Variants in BTBD2 observed in about 807,000 individuals in gnomAD.
BTBD2 encodes BTB/POZ domain-containing protein 2.
BTBD2 carries 15 observed loss-of-function variants against 44.0 expected under a neutral mutation model. The observed-to-expected ratio is 0.34, with a 90% CI of 0.23 to 0.53. The LOEUF (loss-of-function observed/expected upper bound fraction) is 0.53, where lower values mean the gene tolerates loss of function less well. Among genes scored for constraint, BTBD2 ranks in the 20% least tolerant of loss-of-function variants. BTBD2 has a pLI of 0.95. For synonymous variants in BTBD2, 443 were observed against 335.9 expected (o/e 1.32, Z -3.49); for missense variants, 657 against 746.4 (o/e 0.88, Z 1.39).
chr19:1,986,593 G>C lies in BTBD2; in HGVS notation c.1473C>G (p.Pro491=). 1 of 1,613,988 alleles carries C rather than the reference G, an allele frequency of 6.2e-7. No homozygotes were observed. The highest frequency in any genetic ancestry group is 8.5e-7 in the Non-Finnish European group (1 of 1,179,920). The change falls in exon 9 of 9, where the codon CCC becomes CCG. Residue 491 remains proline (P), a synonymous_variant. Coordinates refer to ENST00000255608, the MANE Select transcript of BTBD2 (RefSeq NM_017797.4). ...TGAAGCAGGTCTTGGCGCCCGTGGT[G>C]GGCGACTCGTGTGTCACCTTGCGCA... is the stretch of plus-strand genomic sequence containing the variant. ...KGLRKVTHES[P]TTGAKTCFTF...
Position 1,986,981 on chromosome 19 carries a change from G to C in BTBD2, c.1270-5C>G. ...GTTGCTATCGGTGTGAATAATCTGC[G>C]GGGAGGTGGGAAGTGGGAGGCTCAG... is the stretch of plus-strand genomic sequence containing the variant. On this transcript the variant is annotated splice_region_variant and splice_polypyrimidine_tract_variant and intron_variant, in intron 7 of 8. Transcript: ENST00000255608. The C allele has an allele frequency of 6.2e-7, 1 of 1,610,334 alleles. No homozygotes were observed.
intron 3 of BTBD2, chr19:1,991,189 C>T (rs557613077): frequency 4.4e-5 from 9 of 203,512 alleles, no homozygotes; most frequent in East Asian, 1.5e-4. Flanking sequence ...GTGAGGTGGC[C>T]GGGGCCGACC....
intron 2 of BTBD2, among the ~76,000 whole-genome samples, chr19:1,995,279 CTTTT>C (rs71174402): frequency 3.3e-5 from 4 of 122,680 alleles, no homozygotes; most frequent in African/African-American, 5.9e-5. Context: ...ACTTTGGATT[CTTTT>C]TTTTTTTTTT....
rs34228593 is a variant in BTBD2, at chr19:2,008,589, CTT to C, written c.407+6706_407+6707del. Among the ~76,000 whole-genome samples, 36 of 126,528 alleles carry C rather than the reference CTT, an allele frequency of 2.8e-4. 2 individuals carry two copies. Among genetic ancestry groups the C allele is most frequent in the Admixed American group, 2.5e-4 (3 of 12,120 alleles). The allele number at this position is 126,528 out of a possible 152,430, so 83.0% of individuals were successfully genotyped here. ...TACAGGCGTGAGCCACTGTGCCCAGCTTTTTTTTTTTTTTTTTTTAGGGACAG... is the reference window on the plus strand; with the variant it reads ...TACAGGCGTGAGCCACTGTGCCCAGCTTTTTTTTTTTTTTTTTAGGGACAG... On this transcript the variant is annotated intron_variant, in intron 1 of 8. Transcript: ENST00000255608.
intron 1 of BTBD2, 100 bp downstream of exon 1, chr19:2,015,197 C>CG: frequency 8.4e-7 from 1 of 1,186,698 alleles, no homozygotes; most frequent in South Asian, 1.8e-5. Flanking sequence ...TGGAGGGGTG[C>CG]GGGGGTCTCG....
At position 1,990,762 on chromosome 19, in the gene BTBD2, T is replaced by C. The variant is rs2016165190; in HGVS notation, c.745A>G (p.Thr249Ala). 6.2e-7 allele frequency: 1 copy of C among 1,602,986 alleles called. No homozygotes were observed. Among genetic ancestry groups the C allele is most frequent in the Non-Finnish European group, 8.5e-7 (1 of 1,175,216 alleles). ...SLCLENIDKN[T>A]ADAITAEGFT... ...CCCTCCGCGGTGATGGCGTCTGCAG[T>C]GTTTTTGTCGATGTTCTCCAGGCAC... The change falls in exon 4 of 9, where the codon ACT (threonine) becomes GCT (alanine). Residue 249 changes from threonine (T) to alanine (A), a missense_variant. Physicochemically the swap from Thr to Ala is moderately conservative, Grantham distance 58 (BLOSUM62 0). Transcript: ENST00000255608.
chr19:1,997,557 G>A (rs1365735315), intron 1 of BTBD2, 94 bp from the exon 2 acceptor site: 1 of 1,549,196 alleles, frequency 6.5e-7, no homozygotes, highest in Non-Finnish European at 8.7e-7. Flanking sequence ...CACCCCACTA[G>A]GGCTCCCTGC....
intron 1 of BTBD2, among the ~76,000 whole-genome samples, chr19:2,010,840 C>T (rs371873230): frequency 1.3e-5 from 2 of 152,068 alleles, no homozygotes; most frequent in East Asian, 3.9e-4. Context: ...GGTTTTGCCA[C>T]GATGGCCAGG....
chr19:2,006,921 G>T (rs142019935), intron 1 of BTBD2, among the ~76,000 whole-genome samples: 2 of 151,804 alleles, frequency 1.3e-5, no homozygotes, highest in African/African-American at 2.4e-5. Flanking sequence ...GCAGTGACGC[G>T]ATCTCGGCTC....
At chr19:1,989,860 C>T (rs1035950159) in intron 5 of BTBD2, 144 bp downstream of exon 5, 9 of 967,418 alleles carry the variant, frequency 9.3e-6, no homozygotes, top group Non-Finnish European at 1.2e-5. Flanking sequence ...CGCGTCCTCA[C>T]AAGCCAGGTT....
chr19:2,015,411 G>T lies in BTBD2; in HGVS notation c.293C>A (p.Ala98Asp). The change falls in exon 1 of 9, where the codon GCC becomes GAC. Residue 98 changes from alanine to aspartate, a missense_variant. Physicochemically the swap from Ala to Asp is moderately radical, Grantham distance 126 (BLOSUM62 -2). This residue lies in a region of BTBD2 where 191 missense variants were observed against 188.5 expected (regional missense o/e 1.01). Transcript: ENST00000255608. ...LQREAAYNWQ[A>D]SKPTVQERFA... ...GCGCTCCTGCACGGTGGGCTTGCTG[G>T]CCTGCCAGTTGTACGCGGCCTCGCG... is the stretch of plus-strand genomic sequence containing the variant. The T allele has an allele frequency of 6.5e-7, 1 of 1,546,510 alleles. No individual in the cohort carries two copies.
Position 1,993,061 on chromosome 19 carries a change from T to C in BTBD2, c.643A>G (p.Lys215Glu), listed in dbSNP as rs1489907907. ...LEAHCVEFLKKNLRADNAFML... is the reference protein window; with the variant it reads ...LEAHCVEFLKENLRADNAFML... ...AAGGCGTTGTCGGCTCGCAGGTTCT[T>C]CTTCAGGAACTCCACGCAATGGGCC... Residue 215 changes from lysine to glutamate, a missense_variant, in exon 3 of 9, where the codon AAG becomes GAG. Lys to Glu is a moderately conservative substitution (Grantham distance 56). Transcript: ENST00000255608. 1 of 1,605,650 alleles carries C rather than the reference T, an allele frequency of 6.2e-7. No individual in the cohort carries two copies. The highest frequency in any genetic ancestry group is 8.5e-7 in the Non-Finnish European group (1 of 1,179,274).
intron 1 of BTBD2, among the ~76,000 whole-genome samples, chr19:2,007,649 C>G (rs1167778367): frequency 6.6e-6 from 1 of 151,906 alleles, no homozygotes; most frequent in Admixed American, 6.6e-5. Context: ...GCCAAAATGG[C>G]GAAACCCCGT....
At chr19:1,994,408 T>C (rs373747612) in intron 2 of BTBD2, among the ~76,000 whole-genome samples, 1 of 151,794 alleles carries the variant, frequency 6.6e-6, no homozygotes, top group African/African-American at 2.4e-5. Context: ...GGCGAGAGGA[T>C]TGCCTGAGAC....
At chr19:2,007,303 T>C (rs1183086505) in intron 1 of BTBD2, among the ~76,000 whole-genome samples, 1 of 152,218 alleles carries the variant, frequency 6.6e-6, no homozygotes, top group Non-Finnish European at 1.5e-5. Context: ...TAAAGTTTTA[T>C]TAGAACACAG....
In BTBD2 at chr19:1,997,477, G is replaced by A. The variant is rs770359304; in HGVS notation, c.408-14C>T. The A allele has an allele frequency of 1.9e-6, 3 of 1,613,772 alleles. No homozygotes were observed. Among genetic ancestry groups the A allele is most frequent in the South Asian group, 1.1e-5 (1 of 91,080 alleles). On this transcript the variant is annotated splice_polypyrimidine_tract_variant and intron_variant, in intron 1 of 8. Coordinates refer to ENST00000255608, the MANE Select transcript of BTBD2 (RefSeq NM_017797.4). ...GCCAGCACGAACCTGGTACGGGAGA[G>A]AGAAGGCCCTGGTTAAGCCCGTGGC...
In BTBD2 at chr19:2,015,638, C is replaced by A. The variant is rs1394418947; in HGVS notation, c.66G>T (p.Thr22=). The A allele has an allele frequency of 1.0e-6, 1 of 983,534 alleles. No homozygotes were observed. Among genetic ancestry groups the A allele is most frequent in the South Asian group, 4.6e-5 (1 of 21,676 alleles). The allele number at this position is 983,534 out of a possible 1,614,324, so 60.9% of individuals were successfully genotyped here. The change falls in exon 1 of 9, where the codon ACG becomes ACT. Residue 22 remains threonine (T), a synonymous_variant. Coordinates refer to ENST00000255608, the MANE Select transcript of BTBD2 (RefSeq NM_017797.4). Reference sequence around the variant, plus strand: ...TGGCGCTGGGCCCGGGACTGCCCCCCGTGCCCGGGCCGACCCCGACCCCCG... The same window carrying A: ...TGGCGCTGGGCCCGGGACTGCCCCCAGTGCCCGGGCCGACCCCGACCCCCG... ...CPPGVGVGPG[T]GGSPGPSANA... is the part of the protein sequence containing the mutation.
chr19:2,005,086 C>T (rs2016378745), intron 1 of BTBD2, among the ~76,000 whole-genome samples: 1 of 151,904 alleles, frequency 6.6e-6, no homozygotes, highest in South Asian at 2.1e-4. Flanking sequence ...TCCCAAAGTG[C>T]TGGGATTACA....
chr19:2,015,472 C>T lies in BTBD2; in HGVS notation c.232G>A (p.Glu78Lys), dbSNP rs1373986501. 1.6e-6 allele frequency: 2 copies of T among 1,261,380 alleles called. No individual in the cohort carries two copies. The highest frequency in any genetic ancestry group is 9.9e-7 in the Non-Finnish European group (1 of 1,008,082). The allele number at this position is 1,261,380 out of a possible 1,614,324, so 78.1% of individuals were successfully genotyped here. The change falls in exon 1 of 9, where the codon GAG becomes AAG. Residue 78 changes from glutamate (E) to lysine (K), a missense_variant. Physicochemically the swap from Glu to Lys is moderately conservative, Grantham distance 56 (BLOSUM62 1). This residue lies in a region of BTBD2 where 191 missense variants were observed against 188.5 expected (regional missense o/e 1.01). Coordinates refer to ENST00000255608, the MANE Select transcript of BTBD2 (RefSeq NM_017797.4). Reference protein sequence around the residue: ...DAQAAGAERAEEAAGPGAAAL... With the variant: ...DAQAAGAERAKEAAGPGAAAL... ...GCCGCCCCCGGGCCCGCCGCCTCCT[C>T]CGCCCGCTCCGCGCCCGCGGCCTGC...
Sources: allele counts gnomAD v4.1 joint callset (sites outside exome capture counted in the v4.1 genomes callset), GRCh38; gene constraint gnomAD v4.1.1; regional missense constraint gnomAD v4.1.1; transcripts MANE v1.5; gene names NCBI Gene and HGNC (gene_info 2026-07-23, HGNC 2026-07-21).